The following ZNF559 variants were observed in gnomAD, a reference collection of about 807,000 sequenced individuals.
The protein encoded by ZNF559 is putative protein product of Nbla00121.
ZNF559 carries 17 observed loss-of-function variants against 14.2 expected under a neutral mutation model. The observed-to-expected ratio is 1.20, with a 90% CI of 0.82 to 1.80. The LOEUF (loss-of-function observed/expected upper bound fraction) is 1.80. Ranked by LOEUF, ZNF559 falls within the 40% of genes most tolerant of loss-of-function variation. ZNF559 has a pLI of 0.00. For missense variants in ZNF559, 740 were observed against 629.7 expected, an observed-to-expected ratio of 1.18 and a Z score of -1.88; for synonymous variants, 244 against 212.4, an observed-to-expected ratio of 1.15 and a Z score of -1.29.
chr19:9,329,700 G>C (rs2066833070), intron 2 of ZNF559, among the ~76,000 whole-genome samples: 1 of 152,196 alleles, frequency 6.6e-6, no homozygotes, highest in Admixed American at 6.5e-5. Flanking sequence ...GTCTCACTCT[G>C]TTGCCCAGGC....
At chr19:9,338,713 T>C in intron 4 of ZNF559, 131 bp downstream of exon 4, 1 of 660,800 alleles carries the variant, frequency 1.5e-6, no homozygotes. Context: ...TCATCAAACT[T>C]CTTCGGACCA....
At chr19:9,338,610 A>C (rs1183979848) in intron 4 of ZNF559, 28 bp downstream of exon 4, 1 of 1,526,360 alleles carries the variant, frequency 6.6e-7, no homozygotes, top group South Asian at 1.1e-5. Context: ...TTTTCTGTAG[A>C]AGCATATGCT....
Position 9,324,197 on chromosome 19 carries a change from A to AT in ZNF559, c.-236dup. The AT allele has an allele frequency of 6.5e-7, 1 of 1,536,040 alleles. No individual in the cohort carries two copies. The highest frequency in any genetic ancestry group is 8.7e-7 in the Non-Finnish European group (1 of 1,146,864). On this transcript the variant is annotated 5_prime_UTR_variant, in exon 1 of 7. It removes the in-frame stop codon of an upstream open reading frame in the 5' UTR. Transcript: ENST00000603380. ...TGGGCGCATGCGCATAACGGCCGCCATCTTAACAGCGCGTTCCCGTTGGCG... is the reference window on the plus strand; with the variant it reads ...TGGGCGCATGCGCATAACGGCCGCCATTCTTAACAGCGCGTTCCCGTTGGCG...
intron 1 of ZNF559, chr19:9,324,459 G>A (rs2066453609): frequency 1.4e-6 from 2 of 1,424,558 alleles, no homozygotes; most frequent in African/African-American, 1.4e-5. Context: ...GGGAGGAGGC[G>A]GGGGGCACGG....
At chr19:9,324,504 C>G (rs1390729081) in intron 1 of ZNF559, 191 bp from the exon 2 acceptor site, 1 of 1,342,546 alleles carries the variant, frequency 7.4e-7, no homozygotes, top group Admixed American at 2.8e-5. Flanking sequence ...CTGCAGAAGC[C>G]TCATAGGGCC....
intron 2 of ZNF559, among the ~76,000 whole-genome samples, chr19:9,334,083 C>T (rs751833600): frequency 3.3e-5 from 5 of 152,092 alleles, no homozygotes; most frequent in Non-Finnish European, 7.4e-5. Context: ...GCATTGTGTT[C>T]CAAATTTGAA....
At chr19:9,324,038 C>G (rs115157305), upstream of ZNF559, 9,328 of 956,762 alleles carry the variant, frequency 9.7e-3, 69 homozygotes, top group African/African-American at 0.028. Flanking sequence ...GTGACACTTG[C>G]GCTCTTCGGG....
At position 9,343,074 on chromosome 19, in the gene ZNF559, G is replaced by A. The variant is rs764641738; in HGVS notation, c.*6G>A. 2 of 1,601,424 alleles carry A rather than the reference G, an allele frequency of 1.2e-6. No individual in the cohort carries two copies. The highest frequency in any genetic ancestry group is 2.7e-5 in the African/African-American group (2 of 74,622). On this transcript the variant is annotated 3_prime_UTR_variant, in exon 7 of 7. Coordinates refer to ENST00000603380, the MANE Select transcript of ZNF559 (RefSeq NM_032497.3). ...GCCTTACTGAATGTGTGTGAATTGGGGCTGATACTTGGAAAGAATGTGGTA... is the reference window on the plus strand; with the variant it reads ...GCCTTACTGAATGTGTGTGAATTGGAGCTGATACTTGGAAAGAATGTGGTA...
intron 2 of ZNF559, among the ~76,000 whole-genome samples, chr19:9,327,539 G>A (rs531952974): frequency 3.9e-5 from 6 of 152,128 alleles, no homozygotes; most frequent in Admixed American, 2.0e-4. Flanking sequence ...ATGAGCTACC[G>A]CGCCTGGCCT....
rs774893277 is a variant in ZNF559, at chr19:9,342,287, CT to C, written c.841del (p.Ser281ProfsTer8). 3.8e-5 allele frequency: 60 copies of C among 1,587,692 alleles called. No homozygotes were observed. The highest frequency in any genetic ancestry group is 5.0e-5 in the Non-Finnish European group (58 of 1,171,004). ...CATAAGAAATTTGGCAAAGCCTTTG[CT>C]TTTTCCCCAGATCTTGCTAAACATA... ...IEHKKFGKAF[A>X]FSPDLAKHIR... On this transcript the variant is annotated frameshift_variant, in exon 7 of 7. Coordinates refer to ENST00000603380, the MANE Select transcript of ZNF559 (RefSeq NM_032497.3). LOFTEE classifies it low-confidence loss of function (END_TRUNC).
intron 2 of ZNF559, among the ~76,000 whole-genome samples, chr19:9,332,789 T>G (rs1300817981): frequency 2.6e-5 from 4 of 152,198 alleles, no homozygotes; most frequent in African/African-American, 4.8e-5. Flanking sequence ...TTGAGAAAAA[T>G]CATGGGTATC....
At position 9,335,687 on chromosome 19, in the gene ZNF559, A is replaced by G. The variant is rs1157670704; in HGVS notation, c.-119-2109A>G. 2.6e-5 allele frequency among the ~76,000 whole-genome samples: 4 copies of G among 152,050 alleles called. No homozygotes were observed. The East Asian group carries it at 5.8e-4, about 22-fold the overall frequency. ...GTAGCTGGCACTACAGACACGTACC[A>G]CCACACCTGGCTAATTTTTGTGGTT... On this transcript the variant is annotated intron_variant, in intron 2 of 6. Transcript: ENST00000603380.
chr19:9,343,374 A>G lies in ZNF559; in HGVS notation c.*306A>G. 8.9e-7 allele frequency: 1 copy of G among 1,128,102 alleles called. No homozygotes were observed. The highest frequency in any genetic ancestry group is 1.1e-6 in the Non-Finnish European group (1 of 918,594). The allele number at this position is 1,128,102 out of a possible 1,614,324, so 69.9% of individuals were successfully genotyped here. Reference sequence around the variant, plus strand: ...TCTGTTTGAACTCATGCTGGAGAGAAATGCTATGAATGTGAGGAAGGTGGA... The same window carrying G: ...TCTGTTTGAACTCATGCTGGAGAGAGATGCTATGAATGTGAGGAAGGTGGA... On this transcript the variant is annotated 3_prime_UTR_variant, in exon 7 of 7. Coordinates refer to ENST00000603380, the MANE Select transcript of ZNF559 (RefSeq NM_032497.3).
intron 1 of ZNF559, 192 bp from the exon 2 acceptor site, chr19:9,324,503 C>G: frequency 7.4e-7 from 1 of 1,342,512 alleles, no homozygotes; most frequent in Non-Finnish European, 9.8e-7. Context: ...TCTGCAGAAG[C>G]CTCATAGGGC....
In ZNF559 at chr19:9,342,489, TCA is replaced by T. The variant is rs1491234445; in HGVS notation, c.1042_1043del (p.Thr348TrpfsTer6). 2 of 1,614,016 alleles carry T rather than the reference TCA, an allele frequency of 1.2e-6. No homozygotes were observed. The highest frequency in any genetic ancestry group is 8.5e-7 in the Non-Finnish European group (1 of 1,180,030). ...SSGLIKHRRT[H>X]TGEKPYECKE... Reference sequence around the variant, plus strand: ...CAGGTCTTATAAAACACAGGCGAACTCACACTGGAGAAAAGCCTTATGAATGT... The same window carrying T: ...CAGGTCTTATAAAACACAGGCGAACTCACTGGAGAAAAGCCTTATGAATGT... On this transcript the variant is annotated frameshift_variant, in exon 7 of 7. Coordinates refer to ENST00000603380, the MANE Select transcript of ZNF559 (RefSeq NM_032497.3). LOFTEE classifies it low-confidence loss of function (END_TRUNC).
rs2067652968 is a variant in ZNF559, at chr19:9,343,043, C to A, written c.1592C>A (p.Ser531Tyr). The A allele has an allele frequency of 6.2e-7, 1 of 1,612,282 alleles. No individual in the cohort carries two copies. The highest frequency in any genetic ancestry group is 8.5e-7 in the Non-Finnish European group (1 of 1,179,184). Residue 531 changes from serine to tyrosine, a missense_variant, in exon 7 of 7, where the codon TCC becomes TAC. Physicochemically the swap from Ser to Tyr is moderately radical, Grantham distance 144. Transcript: ENST00000603380. ...GAATGTGGGCAAACCTTTAGTAATT[C>A]CTCATGCCTTACTGAATGTGTGTGA... ...YKECGQTFSN[S>Y]SCLTECV
chr19:9,341,626 T>TA, intron 6 of ZNF559, 69 bp from the exon 7 acceptor site: 1 of 1,602,050 alleles, frequency 6.2e-7, no homozygotes, highest in Non-Finnish European at 8.5e-7. Flanking sequence ...GAATTCAGAG[T>TA]AAAAGGGAGA....
At chr19:9,332,329 A>G (rs1473839365) in intron 2 of ZNF559, among the ~76,000 whole-genome samples, 1 of 145,728 alleles carries the variant, frequency 6.9e-6, no homozygotes, top group African/African-American at 2.6e-5. Context: ...TTTCATATAT[A>G]GAGGTATACA....
In ZNF559 at chr19:9,327,540, C is replaced by T. The variant is rs551858025; in HGVS notation, c.-120+2760C>T. Among the ~76,000 whole-genome samples the T allele has an allele frequency of 1.3e-4, 20 of 152,248 alleles. No homozygotes were observed. The South Asian group carries it at 3.3e-3, about 25-fold the overall frequency. On this transcript the variant is annotated intron_variant, in intron 2 of 6. Transcript: ENST00000603380. ...CTGGAATTACAGGCATGAGCTACCG[C>T]GCCTGGCCTCACCCAGTGGCTTTTA... is the stretch of plus-strand genomic sequence containing the variant.
Sources: allele counts gnomAD v4.1 joint callset (sites outside exome capture counted in the v4.1 genomes callset), GRCh38; gene constraint gnomAD v4.1.1; transcripts MANE v1.5; gene names NCBI Gene and HGNC (gene_info 2026-07-23, HGNC 2026-07-21).